RYR2: variants seen among roughly 807,000 people sequenced by gnomAD.
RYR2 encodes ryanodine receptor 2.
Under a neutral mutation model 601.1 loss-of-function variants are expected in RYR2, and 227 were observed. The ratio of observed to expected loss-of-function variants is 0.38; its 90% CI spans 0.34 to 0.42. The LOEUF (loss-of-function observed/expected upper bound fraction) is 0.42. RYR2 is among the 10% of genes least tolerant of loss of function. The pLI, the probability that RYR2 is intolerant of heterozygous loss-of-function variation, is 1.00. For synonymous variants in RYR2, 2,223 were observed against 2,175.1 expected, an observed-to-expected ratio of 1.02 and a Z score of -0.61; for missense variants, 4,646 against 6,156.5, an observed-to-expected ratio of 0.75 and a Z score of 8.21.
intron 29 of RYR2, among the ~76,000 whole-genome samples, chr1:237,577,341 T>A (rs1673335979): frequency 6.6e-6 from 1 of 152,230 alleles, no homozygotes; most frequent in Non-Finnish European, 1.5e-5. Context: ...TGGCCTACTC[T>A]TGGAAATCTG....
chr1:237,424,877 T>C (rs563102010), intron 12 of RYR2, among the ~76,000 whole-genome samples: 3 of 152,304 alleles, frequency 2.0e-5, no homozygotes, highest in Non-Finnish European at 2.9e-5. Context: ...CAGTTGTCAC[T>C]GGAGGCCACT....
Position 237,193,167 on chromosome 1 carries a change from C to CAAA in RYR2, c.49-77319_49-77317dup, listed in dbSNP as rs58552588. 1.3e-4 allele frequency among the ~76,000 whole-genome samples: 5 copies of CAAA among 37,422 alleles called. 1 individual carries two copies. The highest frequency in any genetic ancestry group is 4.5e-4 in the African/African-American group (5 of 11,102). The allele number at this position is 37,422 out of a possible 152,430, so 24.6% of individuals were successfully genotyped here. A position where few individuals can be genotyped will look rare whatever the true frequency, so the allele number is the denominator to read the frequency against. On this transcript the variant is annotated intron_variant, in intron 1 of 104. Transcript: ENST00000366574. ...GAAACCTCCGTCTCTGCTAAAAGTA[C>CAAA]AAAAAAAAAAAAAGAAGGCCGGGTG...
intron 1 of RYR2, among the ~76,000 whole-genome samples, chr1:237,063,334 T>G (rs537209703): frequency 6.6e-6 from 1 of 152,232 alleles, no homozygotes; most frequent in Admixed American, 6.5e-5. Context: ...ATATTTATTT[T>G]ATTTATTTTT....
At chr1:237,538,888 T>C (rs1220568378) in intron 25 of RYR2, among the ~76,000 whole-genome samples, 1 of 152,194 alleles carries the variant, frequency 6.6e-6, no homozygotes, top group Admixed American at 6.5e-5. Context: ...GAGGTGGTGA[T>C]TGAGAGCAAG....
At chr1:237,101,310 A>AC (rs1170238872) in intron 1 of RYR2, among the ~76,000 whole-genome samples, 87 of 134,520 alleles carry the variant, frequency 6.5e-4, no homozygotes, top group African/African-American at 2.0e-3. Flanking sequence ...AAAAAAAAAA[A>AC]AAAAAAAAAA....
chr1:237,824,191 T>A (rs1305914425), intron 101 of RYR2, among the ~76,000 whole-genome samples: 1 of 152,104 alleles, frequency 6.6e-6, no homozygotes, highest in Non-Finnish European at 1.5e-5. Context: ...GCCAGAATCA[T>A]CCTGATACCA....
intron 1 of RYR2, among the ~76,000 whole-genome samples, chr1:237,187,437 G>A (rs558113268): frequency 6.0e-4 from 38 of 62,934 alleles, no homozygotes; most frequent in Middle Eastern, 0.016. Context: ...CAACACGCCC[G>A]GCCGACTTTT....
At chr1:237,343,417 T>C (rs561390463) in intron 3 of RYR2, among the ~76,000 whole-genome samples, 2 of 152,346 alleles carry the variant, frequency 1.3e-5, no homozygotes, top group East Asian at 3.9e-4. Flanking sequence ...AACCACGTTC[T>C]AGATTCTGTG....
At chr1:237,050,297 G>C (rs1382925662) in intron 1 of RYR2, among the ~76,000 whole-genome samples, 1 of 152,186 alleles carries the variant, frequency 6.6e-6, no homozygotes, top group Non-Finnish European at 1.5e-5. Context: ...AAAGCGAGTG[G>C]AACAGGAGAA....
chr1:237,705,405 T>A, intron 67 of RYR2, 62 bp downstream of exon 67: 1 of 1,342,436 alleles, frequency 7.4e-7, no homozygotes, highest in African/African-American at 1.5e-5. Flanking sequence ...TTTATCATAT[T>A]GTCCAATAGT....
At chr1:237,295,129 T>C (rs1267668739) in intron 2 of RYR2, among the ~76,000 whole-genome samples, 1 of 152,008 alleles carries the variant, frequency 6.6e-6, no homozygotes, top group Non-Finnish European at 1.5e-5. Context: ...TATGAGAGGA[T>C]CACTTAAGCC....
At chr1:237,516,796 C>T (rs777594906) in intron 24 of RYR2, among the ~76,000 whole-genome samples, 1 of 152,138 alleles carries the variant, frequency 6.6e-6, no homozygotes, top group Non-Finnish European at 1.5e-5. Context: ...TACTTCTAGC[C>T]CATTATCAGG....
chr1:237,059,126 A>C (rs1662539532), intron 1 of RYR2, among the ~76,000 whole-genome samples: 1 of 152,166 alleles, frequency 6.6e-6, no homozygotes, highest in South Asian at 2.1e-4. Flanking sequence ...GCAGTCACAC[A>C]GTAGGGAGGG....
intron 1 of RYR2, among the ~76,000 whole-genome samples, chr1:237,110,853 G>A (rs1297590830): frequency 6.6e-6 from 1 of 152,118 alleles, no homozygotes; most frequent in East Asian, 1.9e-4. Flanking sequence ...TATTTCTGGG[G>A]GACCAGCCAC....
intron 1 of RYR2, among the ~76,000 whole-genome samples, chr1:237,104,785 TCTC>T (rs952325264): frequency 1.3e-5 from 2 of 151,862 alleles, no homozygotes; most frequent in Non-Finnish European, 2.9e-5. Context: ...AGGAAAGGAG[TCTC>T]CTCCTCATCT....
At chr1:237,330,840 A>G in intron 2 of RYR2, 38 bp from the exon 3 acceptor site, 1 of 1,521,364 alleles carries the variant, frequency 6.6e-7, no homozygotes, top group Non-Finnish European at 9.1e-7. Flanking sequence ...TGCTTGATGA[A>G]GATGATGCTG....
chr1:237,528,925 C>A (rs1667845783), intron 24 of RYR2, among the ~76,000 whole-genome samples: 1 of 151,990 alleles, frequency 6.6e-6, no homozygotes, highest in South Asian at 2.1e-4. Context: ...GGTTTAATTG[C>A]CTGAGTTTAT....
chr1:237,400,687 T>C (rs1008455047), intron 10 of RYR2, among the ~76,000 whole-genome samples: 4 of 152,068 alleles, frequency 2.6e-5, no homozygotes, highest in Non-Finnish European at 5.9e-5. Flanking sequence ...TTGACATTAT[T>C]TCACACCAAC....
chr1:237,319,831 A>G (rs1695454209), intron 2 of RYR2, among the ~76,000 whole-genome samples: 1 of 152,214 alleles, frequency 6.6e-6, no homozygotes, highest in Admixed American at 6.5e-5. Context: ...ACTGAGTTAG[A>G]GCTGGTAGAG....
Sources: allele counts gnomAD v4.1 joint callset (sites outside exome capture counted in the v4.1 genomes callset), GRCh38; gene constraint gnomAD v4.1.1; transcripts MANE v1.5; gene names NCBI Gene and HGNC (gene_info 2026-07-23, HGNC 2026-07-21).